Variants in PDE9A observed in about 807,000 individuals in gnomAD.
The protein encoded by PDE9A is high affinity cGMP-specific 3',5'-cyclic phosphodiesterase 9A.
Under a neutral mutation model 87.4 loss-of-function variants are expected in PDE9A, and 60 were observed. That is an observed-to-expected ratio of 0.69 (90% CI 0.56 to 0.85). The LOEUF (loss-of-function observed/expected upper bound fraction) is 0.85. Ranked by LOEUF, PDE9A falls within the 40% of genes least tolerant of loss-of-function variation. PDE9A has a pLI of 0.00. For missense variants in PDE9A, 665 were observed against 779.0 expected (o/e 0.85, Z 1.74); for synonymous variants, 272 against 279.4 (o/e 0.97, Z 0.27).
chr21:42,765,611 G>C (rs768657469), intron 15 of PDE9A, 117 bp downstream of exon 15: 1 of 718,186 alleles, frequency 1.4e-6, no homozygotes, highest in Non-Finnish European at 2.6e-6. Flanking sequence ...TTGGAACAAG[G>C]TGTCTATAAA....
chr21:42,767,947 G>A (rs940444641), intron 15 of PDE9A, among the ~76,000 whole-genome samples: 1 of 152,192 alleles, frequency 6.6e-6, no homozygotes, highest in Admixed American at 6.5e-5. Context: ...AGTGCTTCAG[G>A]GGATATCACC....
chr21:42,657,199 G>T (rs1404639796), intron 1 of PDE9A, among the ~76,000 whole-genome samples: 1 of 152,208 alleles, frequency 6.6e-6, no homozygotes, highest in Non-Finnish European at 1.5e-5. Flanking sequence ...AGCTGCTGAA[G>T]GGCTGGGGAC....
intron 10 of PDE9A, chr21:42,758,510 C>T (rs1292271466): frequency 6.5e-6 from 1 of 152,750 alleles, no homozygotes; most frequent in African/African-American, 2.4e-5. Flanking sequence ...TCCCCAGCCT[C>T]GGGCAAGGAA....
In PDE9A at chr21:42,772,482, A is replaced by C. The variant is rs1363425194; in HGVS notation, c.1730A>C (p.Lys577Thr). The stretch of plus-strand genomic sequence containing the variant: ...AGCTTGACGTCTGGGGCCACCGAGA[A>C]GTCCAGAGAGAGAAGCAGAGATGTG... ...TDSLTSGATEKSRERSRDVKN... is the reference protein window; with the variant it reads ...TDSLTSGATETSRERSRDVKN... The change falls in exon 19 of 20, where the codon AAG becomes ACG. Residue 577 changes from lysine to threonine, a missense_variant. By Grantham distance (78) the Lys-to-Thr change is moderately conservative. Coordinates refer to ENST00000291539, the MANE Select transcript of PDE9A (RefSeq NM_002606.3). The C allele has an allele frequency of 6.2e-7, 1 of 1,610,620 alleles. No individual in the cohort carries two copies.
At chr21:42,656,073 C>T (rs1001686518) in intron 1 of PDE9A, among the ~76,000 whole-genome samples, 3 of 152,206 alleles carry the variant, frequency 2.0e-5, no homozygotes, top group African/African-American at 4.8e-5. Context: ...TGCCATCAGC[C>T]GCCATTCCTT....
In PDE9A at chr21:42,773,747, G is replaced by A. The variant is rs1602622363; in HGVS notation, c.1768+1227G>A. ...ACCCAGGAGGCGGAGATTGCCGTGA[G>A]CCAAGATCGCGCCACTGCACTCCAG... On this transcript the variant is annotated intron_variant, in intron 19 of 19. Transcript: ENST00000291539. Among the ~76,000 whole-genome samples, 11 of 148,512 alleles carry A rather than the reference G, an allele frequency of 7.4e-5. No homozygotes were observed. In the Admixed American group the frequency reaches 7.6e-4, roughly 10 times the overall value.
At position 42,733,955 on chromosome 21, in the gene PDE9A, G is replaced by A. The variant is rs769522054; in HGVS notation, c.568+529G>A. The A allele has an allele frequency of 4.2e-4, 65 of 155,240 alleles. 1 individual carries two copies. The highest frequency in any genetic ancestry group is 6.3e-4 in the Non-Finnish European group (44 of 69,816). The allele number at this position is 155,240 out of a possible 1,614,324, so 9.6% of individuals were successfully genotyped here. ...AGGCAGATGCCTCCTAAATGGCTTG[G>A]TGCTCTCCTTGAGATAGTGAGTTCT... On this transcript the variant is annotated intron_variant, in intron 7 of 19. Coordinates refer to ENST00000291539, the MANE Select transcript of PDE9A (RefSeq NM_002606.3).
chr21:42,766,829 A>G (rs922426551), intron 15 of PDE9A, among the ~76,000 whole-genome samples: 15 of 152,248 alleles, frequency 9.9e-5, no homozygotes, highest in African/African-American at 3.4e-4. Context: ...GTCAGGGGTG[A>G]CCCAGGCCCC....
At chr21:42,686,299 C>T (rs368392372) in intron 2 of PDE9A, 37 bp downstream of exon 2, 5 of 1,570,684 alleles carry the variant, frequency 3.2e-6, no homozygotes, top group Non-Finnish European at 3.5e-6. Context: ...GGTGACGCCA[C>T]GCGGCCTCCT....
At chr21:42,703,695 C>T (rs542180658) in intron 4 of PDE9A, among the ~76,000 whole-genome samples, 1 of 152,278 alleles carries the variant, frequency 6.6e-6, no homozygotes, top group East Asian at 1.9e-4. Context: ...AGCTGCTCCT[C>T]CCTGGAGGAC....
At chr21:42,732,248 G>A in intron 6 of PDE9A, 124 bp downstream of exon 6, 2 of 870,524 alleles carry the variant, frequency 2.3e-6, no homozygotes, top group Non-Finnish European at 3.7e-6. Context: ...CCTGCCTGGA[G>A]GAGCTGCCCG....
At chr21:42,752,028 C>T (rs114727284) in intron 9 of PDE9A, among the ~76,000 whole-genome samples, 1,707 of 149,464 alleles carry the variant, frequency 0.011, 32 homozygotes, top group African/African-American at 0.039. Context: ...TGAGCCACCG[C>T]ACCCGGCCCG....
intron 19 of PDE9A, 104 bp from the exon 20 acceptor site, chr21:42,775,176 G>A (rs1171149450): frequency 2.5e-5 from 27 of 1,068,138 alleles, no homozygotes; most frequent in East Asian, 2.2e-4. Flanking sequence ...TCCTGACCTC[G>A]TGATCCACCC....
At chr21:42,697,495 A>T (rs1354062510) in intron 3 of PDE9A, 2 of 1,574,326 alleles carry the variant, frequency 1.3e-6, no homozygotes, top group African/African-American at 2.7e-5. Flanking sequence ...CACCAGGTGA[A>T]TACTTGCATG....
At chr21:42,656,875 T>G (rs918361155) in intron 1 of PDE9A, among the ~76,000 whole-genome samples, 11 of 152,224 alleles carry the variant, frequency 7.2e-5, no homozygotes, top group Non-Finnish European at 1.5e-4. Context: ...GTTACTTCAC[T>G]CTGTGCCCCT....
chr21:42,706,657 T>A (rs1286971293), intron 4 of PDE9A, among the ~76,000 whole-genome samples: 2 of 150,234 alleles, frequency 1.3e-5, no homozygotes, highest in Non-Finnish European at 3.0e-5. Flanking sequence ...AAAAAAAAAA[T>A]TGTACAACCT....
At chr21:42,754,193 A>C (rs933660966) in intron 10 of PDE9A, 129 bp downstream of exon 10, 2 of 611,550 alleles carry the variant, frequency 3.3e-6, no homozygotes, top group Non-Finnish European at 5.8e-6. Context: ...ACTGAAAAAA[A>C]AAAACAAAAC....
chr21:42,767,957 C>T (rs1245081216), intron 15 of PDE9A, among the ~76,000 whole-genome samples: 2 of 152,226 alleles, frequency 1.3e-5, no homozygotes, highest in Non-Finnish European at 2.9e-5. Flanking sequence ...GGGATATCAC[C>T]TGGGCTGGGG....
intron 1 of PDE9A, among the ~76,000 whole-genome samples, chr21:42,682,792 G>A (rs2059239265): frequency 6.6e-6 from 1 of 152,220 alleles, no homozygotes; most frequent in Non-Finnish European, 1.5e-5. Flanking sequence ...AGCGGTCACA[G>A]CCCAGCAAAT....
Sources: gnomAD v4.1 joint callset for allele counts (sites outside exome capture counted in the v4.1 genomes callset) on GRCh38, gnomAD v4.1.1 for gene constraint, MANE v1.5 for transcripts, NCBI Gene and HGNC (gene_info 2026-07-23, HGNC 2026-07-21) for gene names.